TNS3: variants seen among roughly 807,000 people sequenced by gnomAD.
TNS3 encodes tensin 3, also known as tensin-3.
A neutral mutation model predicts 140.9 loss-of-function variants in TNS3; 45 were observed. The ratio of observed to expected loss-of-function variants is 0.32; its 90% confidence interval spans 0.25 to 0.41. The LOEUF is 0.41. Among genes scored for constraint, TNS3 ranks in the 10% least tolerant of loss-of-function variants. The pLI, the probability that TNS3 is intolerant of heterozygous loss-of-function variation, is 1.00. For missense variants in TNS3, 1,716 were observed against 1,906.7 expected, an observed-to-expected ratio of 0.90 and a Z score of 1.86; for synonymous variants, 815 against 788.4, an observed-to-expected ratio of 1.03 and a Z score of -0.56.
intron 4 of TNS3, among the ~76,000 whole-genome samples, chr7:47,466,047 C>A (rs1017841526): frequency 2.6e-5 from 4 of 152,088 alleles, no homozygotes; most frequent in African/African-American, 9.7e-5. Flanking sequence ...AATTCATGTT[C>A]AAATTTCTCT....
chr7:47,457,488 G>A (rs1302427899), intron 4 of TNS3, among the ~76,000 whole-genome samples: 1 of 151,946 alleles, frequency 6.6e-6, no homozygotes, highest in Non-Finnish European at 1.5e-5. Context: ...ACTCCAAATA[G>A]CTTCAACAGC....
rs115774138 is a variant in TNS3 at position 47,390,753 on chromosome 7, C to T, written c.1024+6047G>A. ...GAAGCTTCCCTGCTGCTCAACCCTT[C>T]CTCTAAATCTGTCATAGAGTCTCAC... On this transcript the variant is annotated intron_variant, in intron 16 of 30. Transcript: ENST00000311160. Among the ~76,000 whole-genome samples the T allele has an allele frequency of 8.1e-3, 1,236 of 152,308 alleles. 16 individuals are homozygous for T. The highest frequency in any genetic ancestry group is 0.027 in the African/African-American group (1,114 of 41,562).
At chr7:47,363,004 C>CATT (rs369415343) in intron 17 of TNS3, among the ~76,000 whole-genome samples, 8 of 33,274 alleles carry the variant, frequency 2.4e-4, no homozygotes, top group Middle Eastern at 0.019. Context: ...TCATCACAGT[C>CATT]ATCACCATCA....
chr7:47,424,143 T>A lies in TNS3; in HGVS notation c.431A>T (p.Tyr144Phe). 6.2e-7 allele frequency: 1 copy of A among 1,614,182 alleles called. No individual in the cohort carries two copies. The highest frequency in any genetic ancestry group is 8.5e-7 in the Non-Finnish European group (1 of 1,180,032). Reference protein sequence around the residue: ...ALDRFAMKKFYDDKVSALMQP... With the variant: ...ALDRFAMKKFFDDKVSALMQP... ...CATTAAAGCTGAAACTTTGTCATCA[T>A]AAAACTTCTTCATTGCAAACCTGTC... The change falls in exon 10 of 31, where the codon TAT (tyrosine) becomes TTT (phenylalanine). Residue 144 changes from tyrosine to phenylalanine, a missense_variant. By Grantham distance (22) the Tyr-to-Phe change is conservative. Around this residue, in one of 3 missense-constraint regions of TNS3, gnomAD observed 337 missense variants for 428.9 expected, o/e 0.79. Coordinates refer to ENST00000311160, the MANE Select transcript of TNS3 (RefSeq NM_022748.12).
intron 20 of TNS3, among the ~76,000 whole-genome samples, chr7:47,311,123 G>C (rs981174829): frequency 3.3e-5 from 5 of 152,160 alleles, no homozygotes; most frequent in African/African-American, 7.2e-5. Context: ...TCTAGTTCTA[G>C]ATCCTTGAGG....
intron 1 of TNS3, among the ~76,000 whole-genome samples, chr7:47,563,790 AT>A (rs1280254753): frequency 2.0e-5 from 3 of 152,208 alleles, no homozygotes; most frequent in Admixed American, 6.5e-5. Context: ...CACAATCCCA[AT>A]TCCTTGCAGT....
intron 20 of TNS3, among the ~76,000 whole-genome samples, chr7:47,325,208 C>T (rs1302233859): frequency 6.6e-6 from 1 of 152,176 alleles, no homozygotes; most frequent in Non-Finnish European, 1.5e-5. Flanking sequence ...AAATGAGTTC[C>T]ATAGCATTCT....
rs775412227 is a variant in TNS3 at position 47,304,903 on chromosome 7, C to T, written c.2751G>A (p.Thr917=). 4.9e-6 allele frequency: 7 copies of T among 1,427,334 alleles called. No individual in the cohort carries two copies. Among genetic ancestry groups the T allele is most frequent in the African/African-American group, 2.9e-5 (2 of 68,484 alleles). 88.4% of individuals were successfully genotyped at this position (1,427,334 alleles called of 1,614,324 possible). A position where few individuals can be genotyped will look rare whatever the true frequency, so the allele number is the denominator to read the frequency against. ...STMLRADASS[T]PSFQQAFASS... is the part of the protein sequence containing the mutation. ...AAGCAAAAGCCTGCTGAAAGGAGGGCGTCGAGGACGCATCAGCCCGGAGCA... is the reference window on the plus strand; with the variant it reads ...AAGCAAAAGCCTGCTGAAAGGAGGGTGTCGAGGACGCATCAGCCCGGAGCA... The change falls in exon 21 of 31, where the codon ACG becomes ACA. Residue 917 remains threonine, a synonymous_variant. Transcript: ENST00000311160.
chr7:47,343,553 A>G (rs1789143251), intron 20 of TNS3, among the ~76,000 whole-genome samples: 1 of 152,216 alleles, frequency 6.6e-6, no homozygotes, highest in Non-Finnish European at 1.5e-5. Flanking sequence ...TCAAGCTAGG[A>G]GCCAAGTACA....
rs558357899 is a variant in TNS3 at position 47,401,093 on chromosome 7, T to C, written c.724-179A>G. Among the ~76,000 whole-genome samples the C allele has an allele frequency of 1.2e-4, 18 of 152,230 alleles. 1 individual carries two copies. The South Asian group carries it at 3.5e-3, about 30-fold the overall frequency. ...CACAGGCGCCTGCAGACAGCTGGGG[T>C]GCAGGCAGAGGCACCACACTGCTGC... On this transcript the variant is annotated intron_variant, in intron 13 of 30. Coordinates refer to ENST00000311160, the MANE Select transcript of TNS3 (RefSeq NM_022748.12).
chr7:47,435,347 T>C lies in TNS3; in HGVS notation c.259A>G (p.Ile87Val). The C allele has an allele frequency of 3.7e-6, 6 of 1,614,150 alleles. No individual in the cohort carries two copies. The highest frequency in any genetic ancestry group is 5.1e-6 in the Non-Finnish European group (6 of 1,180,022). ...HAPPLDKMCT[I>V]CKAQESWLNS... is the part of the protein sequence containing the mutation. ...AGCCAGGACTCCTGCGCCTTGCATA[T>C]GGTACACATCTTATCCAGGGGCGGT... The change falls in exon 8 of 31, where the codon ATA becomes GTA. Residue 87 changes from isoleucine (I) to valine (V), a missense_variant. Transcript: ENST00000311160.
At chr7:47,563,135 A>G (rs1800351579) in intron 1 of TNS3, among the ~76,000 whole-genome samples, 1 of 152,202 alleles carries the variant, frequency 6.6e-6, no homozygotes, top group African/African-American at 2.4e-5. Context: ...GATCATCCAG[A>G]GTGAGTGAGG....
At chr7:47,528,839 T>C (rs1799292309) in intron 2 of TNS3, among the ~76,000 whole-genome samples, 197 bp downstream of exon 2, 1 of 152,178 alleles carries the variant, frequency 6.6e-6, no homozygotes, top group African/African-American at 2.4e-5. Context: ...TCTGTAAAAA[T>C]GTCCTCATGA....
rs1361562925 is a variant in TNS3, at chr7:47,372,462, G to A, written c.1025-2841C>T. Among the ~76,000 whole-genome samples, 3 of 152,186 alleles carry A rather than the reference G, an allele frequency of 2.0e-5. No homozygotes were observed. The East Asian group carries it at 5.8e-4, about 29-fold the overall frequency. The stretch of plus-strand genomic sequence containing the variant: ...AATCAGTCTGAGGTGGAATCCTTCA[G>A]CTAGCTCCCTGCCCCGTATGCTAAG... On this transcript the variant is annotated intron_variant, in intron 16 of 30. Coordinates refer to ENST00000311160, the MANE Select transcript of TNS3 (RefSeq NM_022748.12).
At chr7:47,328,511 C>T (rs1788155497) in intron 20 of TNS3, among the ~76,000 whole-genome samples, 1 of 152,142 alleles carries the variant, frequency 6.6e-6, no homozygotes, top group East Asian at 1.9e-4. Context: ...AAATCAAACC[C>T]CCATTCCCCT....
chr7:47,521,425 C>T (rs1475810767), intron 2 of TNS3, among the ~76,000 whole-genome samples: 1 of 152,228 alleles, frequency 6.6e-6, no homozygotes, highest in Non-Finnish European at 1.5e-5. Flanking sequence ...CAAGACAGCA[C>T]TCCACTTTGG....
chr7:47,280,182 T>G lies in TNS3; in HGVS notation c.4175A>C (p.Lys1392Thr). ...ALDPQDRKWI[K>T]DGPSSKVFGF... ...AACTTACTTTGAGGAAGGGCCATCTTTGATCCACCTTGCAAATTAAAGAGA... is the reference window on the plus strand; with the variant it reads ...AACTTACTTTGAGGAAGGGCCATCTGTGATCCACCTTGCAAATTAAAGAGA... The change falls in exon 30 of 31, where the codon AAA becomes ACA. Residue 1392 changes from lysine to threonine, a missense_variant. By Grantham distance (78) the Lys-to-Thr change is moderately conservative. Transcript: ENST00000311160. 1 of 1,614,202 alleles carries G rather than the reference T, an allele frequency of 6.2e-7. No homozygotes were observed. The highest frequency in any genetic ancestry group is 8.5e-7 in the Non-Finnish European group (1 of 1,180,042).
chr7:47,562,237 C>G (rs1488837594), intron 1 of TNS3, among the ~76,000 whole-genome samples: 1 of 152,146 alleles, frequency 6.6e-6, no homozygotes, highest in Non-Finnish European at 1.5e-5. Flanking sequence ...ATGGAAAAGC[C>G]AGCTCATTTT....
chr7:47,349,124 C>T (rs1157628521), intron 17 of TNS3, among the ~76,000 whole-genome samples: 2 of 152,102 alleles, frequency 1.3e-5, no homozygotes, highest in East Asian at 3.9e-4. Context: ...TCCTGTTGAA[C>T]ACATGGATTT....
Sources: allele counts gnomAD v4.1 joint callset (sites outside exome capture counted in the v4.1 genomes callset), GRCh38; gene constraint gnomAD v4.1.1; regional missense constraint gnomAD v4.1.1; transcripts MANE v1.5; gene names NCBI Gene and HGNC (gene_info 2026-07-23, HGNC 2026-07-21).